DNAH12: variants seen among roughly 807,000 people sequenced by gnomAD.
DNAH12 encodes axonemal beta dynein heavy chain 12.
A neutral mutation model predicts 371.5 loss-of-function variants in DNAH12; 285 were observed. That is an observed-to-expected ratio of 0.77 (90% CI 0.70 to 0.85). The LOEUF is 0.85. DNAH12 is among the 40% of genes least tolerant of loss of function. The pLI is 0.00. For missense variants in DNAH12, 3,611 were observed against 3,689.4 expected (o/e 0.98, Z 0.55); for synonymous variants, 1,200 against 1,213.0 (o/e 0.99, Z 0.22).
intron 43 of DNAH12, among the ~76,000 whole-genome samples, chr3:57,396,006 C>T (rs1025605875): frequency 7.2e-5 from 11 of 151,792 alleles, no homozygotes; most frequent in Admixed American, 2.0e-4. Flanking sequence ...AGGCTGGGCG[C>T]GGTGGCTCAG....
rs564126860 is a variant in DNAH12, at chr3:57,328,121, C to T, written c.9979-4502G>A. ...GACCAGATGGATTCACAGCCGAATT[C>T]TACCAGAGGTACAAGGAGGAACTGG... On this transcript the variant is annotated intron_variant, in intron 62 of 73. Coordinates refer to ENST00000495027, the MANE Select transcript of DNAH12 (RefSeq NM_001366028.2). Among the ~76,000 whole-genome samples the T allele has an allele frequency of 1.4e-4, 21 of 148,144 alleles. No homozygotes were observed. In the South Asian group the frequency reaches 4.7e-3, roughly 33 times the overall value.
intron 43 of DNAH12, chr3:57,402,438 A>G: frequency 7.7e-7 from 1 of 1,304,876 alleles, no homozygotes; most frequent in Non-Finnish European, 1.0e-6. Flanking sequence ...CTCTAAAGAA[A>G]CTATTAAGAT....
intron 13 of DNAH12, among the ~76,000 whole-genome samples, chr3:57,477,417 A>T (rs947482704): frequency 2.0e-5 from 3 of 152,156 alleles, no homozygotes; most frequent in Admixed American, 1.3e-4. Context: ...AGGTAAACGA[A>T]GTGGCCGGGA....
At chr3:57,433,071 T>C (rs745450298) in intron 32 of DNAH12, among the ~76,000 whole-genome samples, 1 of 151,498 alleles carries the variant, frequency 6.6e-6, no homozygotes, top group Non-Finnish European at 1.5e-5. Context: ...TGAAGTTCTA[T>C]AAGAAACCAT....
intron 39 of DNAH12, among the ~76,000 whole-genome samples, chr3:57,410,521 A>G (rs1393833373): frequency 6.6e-6 from 1 of 152,092 alleles, no homozygotes; most frequent in African/African-American, 2.4e-5. Flanking sequence ...AAGTTAGGCC[A>G]ATTAATAATC....
rs545713815 is a variant in DNAH12, at chr3:57,532,730, G to C, written c.171-8846C>G. Among the ~76,000 whole-genome samples, 5 of 152,246 alleles carry C rather than the reference G, an allele frequency of 3.3e-5. No homozygotes were observed. The East Asian group carries it at 9.7e-4, about 29-fold the overall frequency. On this transcript the variant is annotated intron_variant, in intron 2 of 73. Coordinates refer to ENST00000495027, the MANE Select transcript of DNAH12 (RefSeq NM_001366028.2). ...CTGAGCTGCCTGGAGCTGGAGGTGG[G>C]ATGACACAAGCACTGCTATGGCCAC...
At chr3:57,545,722 G>A (rs752513113), upstream of DNAH12, among the ~76,000 whole-genome samples, 1 of 152,008 alleles carries the variant, frequency 6.6e-6, no homozygotes, top group Non-Finnish European at 1.5e-5. Flanking sequence ...TCAAGCGGCA[G>A]GCACCAATAA....
chr3:57,542,733 G>C lies in DNAH12; in HGVS notation c.138C>G (p.Ser46=). The change falls in exon 2 of 74, where the codon TCC becomes TCG. Residue 46 remains serine (S), a synonymous_variant. Transcript: ENST00000495027. ...TQSKLLKYRR[S]KEQQQKINQL... ...GATTAATTTTCTGCTGCTGCTCCTTGGATCTTCTGTATTTTAGCAGCTTAC... is the reference window on the plus strand; with the variant it reads ...GATTAATTTTCTGCTGCTGCTCCTTCGATCTTCTGTATTTTAGCAGCTTAC... The C allele has an allele frequency of 6.2e-7, 1 of 1,605,978 alleles. No homozygotes were observed. The highest frequency in any genetic ancestry group is 1.7e-4 in the Middle Eastern group (1 of 6,054).
At chr3:57,551,260 A>ATTATTTAT in the DNAH12 span, among the ~76,000 whole-genome samples, 11 of 150,692 alleles carry the variant, frequency 7.3e-5, no homozygotes, top group Non-Finnish European at 1.2e-4. Context: ...TGTATACAAA[A>ATTATTTAT]TTATTTATTT....
At chr3:57,482,518 T>A (rs1230439573) in intron 13 of DNAH12, among the ~76,000 whole-genome samples, 2 of 152,096 alleles carry the variant, frequency 1.3e-5, no homozygotes, top group African/African-American at 4.8e-5. Context: ...GTGTGGCGAT[T>A]CCTCAGGGAT....
In DNAH12 at chr3:57,329,254, G is replaced by A. The variant is rs1347580262; in HGVS notation, c.9978+5211C>T. 3.4e-3 allele frequency among the ~76,000 whole-genome samples: 472 copies of A among 138,328 alleles called. 2 individuals are homozygous for A. The highest frequency in any genetic ancestry group is 0.014 in the African/African-American group (448 of 31,998). 90.7% of individuals were successfully genotyped at this position (138,328 alleles called of 152,430 possible). On this transcript the variant is annotated intron_variant, in intron 62 of 73. Transcript: ENST00000495027. ...ACCAAAAAAGAGCCTGCATTGCCAA[G>A]TCAATCCTAAGCCAAAAGAACAAAG...
At chr3:57,419,610 T>G (rs2064501640) in intron 36 of DNAH12, 92 bp from the exon 37 acceptor site, 1 of 933,384 alleles carries the variant, frequency 1.1e-6, no homozygotes, top group Non-Finnish European at 1.4e-6. Context: ...ATATTAGCTT[T>G]TAAAAACTTA....
intron 25 of DNAH12, among the ~76,000 whole-genome samples, chr3:57,449,735 ACCTC>A (rs2065688897): frequency 1.3e-5 from 2 of 151,940 alleles, no homozygotes; most frequent in African/African-American, 4.8e-5. Flanking sequence ...CTCCCTCCAC[ACCTC>A]CCTGCAAGCT....
rs1322923403 is a variant in DNAH12, at chr3:57,385,364, A to G, written c.7668T>C (p.Asn2556=). ...GATACTCTACCTGCATCATATTTGCATTTTCAATTTTAGCTTCCTCCAATT... is the reference window on the plus strand; with the variant it reads ...GATACTCTACCTGCATCATATTTGCGTTTTCAATTTTAGCTTCCTCCAATT... The part of the protein sequence containing the change: ...QPKLEEAKIE[N]ANMMQVIEIE... The change falls in exon 48 of 74, where the codon AAT becomes AAC. Residue 2556 remains asparagine, a synonymous_variant. Transcript: ENST00000495027. The G allele has an allele frequency of 1.3e-5, 2 of 152,190 alleles. No homozygotes were observed. The highest frequency in any genetic ancestry group is 2.9e-5 in the Non-Finnish European group (2 of 68,026). 9.4% of individuals were successfully genotyped at this position (152,190 alleles called of 1,614,324 possible).
intron 60 of DNAH12, among the ~76,000 whole-genome samples, chr3:57,348,203 C>T (rs1217409955): frequency 6.6e-6 from 1 of 152,006 alleles, no homozygotes; most frequent in Non-Finnish European, 1.5e-5. Context: ...AGCTAGCAAG[C>T]CATGAAAAGA....
At chr3:57,303,418 T>C (rs1173586225) in intron 69 of DNAH12, among the ~76,000 whole-genome samples, 3 of 149,854 alleles carry the variant, frequency 2.0e-5, no homozygotes, top group Admixed American at 6.6e-5. Flanking sequence ...CTTTTTCTTT[T>C]TTTTTTTTTT....
rs1420619215 is a variant in DNAH12, at chr3:57,301,718, ACACACACAC to A, written c.11394+8_11394+16del. ...CACACACACACACACACACACACAC[ACACACACAC>A]ATTTTACCTGTAAAAAGTTCAACCG... On this transcript the variant is annotated splice_region_variant and intron_variant, in intron 70 of 73. Transcript: ENST00000495027. 7 of 1,337,144 alleles carry A rather than the reference ACACACACAC, an allele frequency of 5.2e-6. No homozygotes were observed. The highest frequency in any genetic ancestry group is 2.6e-5 in the East Asian group (1 of 38,244). 82.8% of individuals were successfully genotyped at this position (1,337,144 alleles called of 1,614,324 possible).
At chr3:57,306,084 G>A (rs1379146747) in intron 69 of DNAH12, among the ~76,000 whole-genome samples, 3 of 152,136 alleles carry the variant, frequency 2.0e-5, no homozygotes, top group African/African-American at 7.2e-5. Flanking sequence ...CACTCCCAGA[G>A]CCCCTGGAAC....
intron 13 of DNAH12, among the ~76,000 whole-genome samples, chr3:57,473,858 G>A (rs1040832684): frequency 6.6e-6 from 1 of 151,986 alleles, no homozygotes; most frequent in African/African-American, 2.4e-5. Context: ...ATAGATTAAA[G>A]AGAAAAAGCA....
Sources: gnomAD v4.1 joint callset for allele counts (sites outside exome capture counted in the v4.1 genomes callset) on GRCh38, gnomAD v4.1.1 for gene constraint, MANE v1.5 for transcripts, NCBI Gene and HGNC (gene_info 2026-07-23, HGNC 2026-07-21) for gene names.